Variants in THSD7B observed in about 807,000 individuals in gnomAD.
THSD7B encodes the protein thrombospondin type 1 domain containing 7B, also known as thrombospondin type-1 domain-containing protein 7B.
Under a neutral mutation model 213.6 loss-of-function variants are expected in THSD7B, and 138 were observed. The ratio of observed to expected loss-of-function variants is 0.65; its 90% confidence interval spans 0.56 to 0.74. The LOEUF (loss-of-function observed/expected upper bound fraction) is 0.74. THSD7B is among the 30% of genes least tolerant of loss of function. The pLI is 0.00. For synonymous variants in THSD7B, 742 were observed against 687.0 expected, an observed-to-expected ratio of 1.08 and a Z score of -1.25; for missense variants, 1,931 against 1,991.5, an observed-to-expected ratio of 0.97 and a Z score of 0.58.
chr2:137,388,393 G>A (rs557865761), intron 12 of THSD7B, among the ~76,000 whole-genome samples: 2 of 150,164 alleles, frequency 1.3e-5, no homozygotes, highest in East Asian at 3.9e-4. Flanking sequence ...TTTTTTTATT[G>A]ATATATAATT....
intron 2 of THSD7B, among the ~76,000 whole-genome samples, chr2:136,932,691 T>C (rs1433488010): frequency 2.6e-5 from 4 of 152,128 alleles, no homozygotes; most frequent in Non-Finnish European, 1.5e-5. Flanking sequence ...ATCCTCTTCA[T>C]GTTAAGTAGG....
intron 2 of THSD7B, among the ~76,000 whole-genome samples, chr2:137,042,158 C>A (rs1686895522): frequency 6.6e-6 from 1 of 151,616 alleles, no homozygotes; most frequent in Non-Finnish European, 1.5e-5. Context: ...AGATCTCGGA[C>A]TTTTACTGAT....
chr2:137,603,559 C>G (rs1411988493), intron 17 of THSD7B, among the ~76,000 whole-genome samples: 1 of 152,118 alleles, frequency 6.6e-6, no homozygotes, highest in Non-Finnish European at 1.5e-5. Context: ...AATGGTTCTT[C>G]TTGCTATTGA....
intron 25 of THSD7B, among the ~76,000 whole-genome samples, chr2:137,660,365 T>C (rs1683319668): frequency 6.6e-6 from 1 of 151,136 alleles, no homozygotes; most frequent in African/African-American, 2.4e-5. Context: ...TCTTAAAAAC[T>C]ATACTACATT....
chr2:137,596,904 T>TATA (rs1459655425), intron 17 of THSD7B, among the ~76,000 whole-genome samples: 1 of 152,058 alleles, frequency 6.6e-6, no homozygotes, highest in Non-Finnish European at 1.5e-5. Context: ...GATTATTATG[T>TATA]ATAACTGTAA....
intron 12 of THSD7B, among the ~76,000 whole-genome samples, chr2:137,300,501 G>C (rs1348834531): frequency 1.3e-5 from 2 of 152,080 alleles, no homozygotes; most frequent in Admixed American, 6.5e-5. Context: ...ATATGTGTGT[G>C]TGTTTTCTAT....
At chr2:137,435,057 A>G (rs902993561) in intron 14 of THSD7B, among the ~76,000 whole-genome samples, 1 of 152,182 alleles carries the variant, frequency 6.6e-6, no homozygotes, top group African/African-American at 2.4e-5. Context: ...GGAAAAAAAT[A>G]TATTAATACC....
chr2:136,820,792 T>A (rs989503202), intron 1 of THSD7B, among the ~76,000 whole-genome samples: 2 of 152,216 alleles, frequency 1.3e-5, no homozygotes, highest in African/African-American at 4.8e-5. Context: ...ACATATGAAG[T>A]ATTTGAAAGT....
intron 5 of THSD7B, among the ~76,000 whole-genome samples, chr2:137,145,445 T>C (rs1368283284): frequency 1.1e-4 from 17 of 152,048 alleles, no homozygotes; most frequent in Admixed American, 1.0e-3. Flanking sequence ...TGATGGTTCT[T>C]AGATAAAGTG....
intron 15 of THSD7B, among the ~76,000 whole-genome samples, chr2:137,496,260 C>T (rs1019368100): frequency 6.6e-6 from 1 of 152,188 alleles, no homozygotes; most frequent in Admixed American, 6.5e-5. Flanking sequence ...TCTTAGCTGA[C>T]TTTCCTAAGG....
chr2:137,107,377 G>A (rs758300077), intron 4 of THSD7B, among the ~76,000 whole-genome samples: 1 of 152,252 alleles, frequency 6.6e-6, no homozygotes, highest in African/African-American at 2.4e-5. Flanking sequence ...CACACACTGG[G>A]GCCTGTCATG....
chr2:137,584,450 C>A (rs577969376), intron 17 of THSD7B, among the ~76,000 whole-genome samples: 1 of 152,272 alleles, frequency 6.6e-6, no homozygotes, highest in African/African-American at 2.4e-5. Context: ...TTTGCCCATT[C>A]AGTATGATAT....
chr2:137,318,582 C>T (rs1358443127), intron 12 of THSD7B, among the ~76,000 whole-genome samples: 2 of 151,966 alleles, frequency 1.3e-5, no homozygotes, highest in East Asian at 1.9e-4. Context: ...AGTACAAACT[C>T]GGCAACAATA....
chr2:137,274,631 A>G (rs529223022), intron 11 of THSD7B, among the ~76,000 whole-genome samples: 7 of 152,136 alleles, frequency 4.6e-5, no homozygotes, highest in East Asian at 1.9e-4. Flanking sequence ...ATTTCAGTCT[A>G]TTCACCAAGG....
At chr2:137,074,054 A>G (rs919006339) in intron 3 of THSD7B, among the ~76,000 whole-genome samples, 3 of 151,962 alleles carry the variant, frequency 2.0e-5, no homozygotes, top group Middle Eastern at 3.2e-3. Context: ...AAAAGAATGT[A>G]CATTCTGTTG....
intron 5 of THSD7B, among the ~76,000 whole-genome samples, chr2:137,145,721 A>C (rs900669063): frequency 4.6e-5 from 7 of 152,008 alleles, no homozygotes; most frequent in African/African-American, 1.7e-4. Flanking sequence ...TAAAAAAAAG[A>C]TTGCTGCACC....
At chr2:137,055,229 C>T (rs1209256710) in intron 2 of THSD7B, among the ~76,000 whole-genome samples, 1 of 152,112 alleles carries the variant, frequency 6.6e-6, no homozygotes, top group Non-Finnish European at 1.5e-5. Context: ...GTGAATAGTG[C>T]TGCAATAAAC....
intron 8 of THSD7B, among the ~76,000 whole-genome samples, chr2:137,231,436 T>C (rs957172575): frequency 1.3e-5 from 2 of 152,182 alleles, no homozygotes; most frequent in African/African-American, 4.8e-5. Context: ...GCTTAACCCA[T>C]TTACATGAAT....
chr2:137,553,741 C>G (rs1448882801), intron 15 of THSD7B, among the ~76,000 whole-genome samples: 1 of 152,114 alleles, frequency 6.6e-6, no homozygotes, highest in Non-Finnish European at 1.5e-5. Flanking sequence ...TGGCTCATTT[C>G]TCTCCCTTAG....
Sources: allele counts gnomAD v4.1 joint callset (sites outside exome capture counted in the v4.1 genomes callset), GRCh38; gene constraint gnomAD v4.1.1; transcripts MANE v1.5; gene names NCBI Gene and HGNC (gene_info 2026-07-23, HGNC 2026-07-21).